The following SLC9A9 variants were observed in gnomAD, a reference collection of about 807,000 sequenced individuals.
The protein encoded by SLC9A9 is sodium/hydrogen exchanger 9.
SLC9A9 carries 62 observed loss-of-function variants against 77.8 expected under a neutral mutation model. The observed-to-expected ratio is 0.80, with a 90% CI of 0.65 to 0.98. The LOEUF is 0.98. SLC9A9 is among the 50% of genes least tolerant of loss of function. SLC9A9 has a pLI of 0.00. For synonymous variants in SLC9A9, 320 were observed against 283.5 expected (o/e 1.13, Z -1.29); for missense variants, 775 against 774.9 (o/e 1.00, Z 0.00).
intron 14 of SLC9A9, among the ~76,000 whole-genome samples, chr3:143,348,679 G>A (rs1233056406): frequency 1.3e-5 from 2 of 152,096 alleles, no homozygotes; most frequent in African/African-American, 4.8e-5. Context: ...CTTCCATTGT[G>A]CAATATAGTT....
intron 9 of SLC9A9, chr3:143,504,105 G>A: frequency 2.0e-6 from 1 of 492,954 alleles, no homozygotes; most frequent in Non-Finnish European, 4.0e-6. Context: ...TGGTACTGTG[G>A]AACTTGCCAT....
chr3:143,581,426 GA>G (rs2037450303), intron 6 of SLC9A9, among the ~76,000 whole-genome samples: 1 of 152,206 alleles, frequency 6.6e-6, no homozygotes, highest in Admixed American at 6.5e-5. Context: ...ATAGCTCTGT[GA>G]AGTAAGCAAG....
At chr3:143,501,078 A>G (rs1360939661) in intron 9 of SLC9A9, among the ~76,000 whole-genome samples, 1 of 150,718 alleles carries the variant, frequency 6.6e-6, no homozygotes, top group Non-Finnish European at 1.5e-5. Context: ...GAATTATTCA[A>G]TAAGTCATCA....
At chr3:143,394,795 C>T (rs2033684790) in intron 12 of SLC9A9, among the ~76,000 whole-genome samples, 1 of 152,086 alleles carries the variant, frequency 6.6e-6, no homozygotes, top group African/African-American at 2.4e-5. Flanking sequence ...ATAAGCATTC[C>T]TATACACCAA....
intron 11 of SLC9A9, among the ~76,000 whole-genome samples, chr3:143,474,416 TAGG>T (rs1330384440): frequency 6.6e-6 from 1 of 152,116 alleles, no homozygotes; most frequent in Non-Finnish European, 1.5e-5. Context: ...AGGTTGCTGA[TAGG>T]AGGCCAGTGA....
intron 8 of SLC9A9, among the ~76,000 whole-genome samples, chr3:143,572,615 C>A (rs1188292107): frequency 6.6e-6 from 1 of 152,128 alleles, no homozygotes; most frequent in Non-Finnish European, 1.5e-5. Flanking sequence ...AGTGGCAATG[C>A]ACTAAAATAA....
chr3:143,361,081 T>C (rs565215054), intron 14 of SLC9A9, among the ~76,000 whole-genome samples: 1 of 152,358 alleles, frequency 6.6e-6, no homozygotes, highest in Admixed American at 6.5e-5. Context: ...TCTGCAAATT[T>C]TGGACTTGCC....
At chr3:143,693,959 G>A (rs1933555446) in intron 4 of SLC9A9, among the ~76,000 whole-genome samples, 1 of 152,138 alleles carries the variant, frequency 6.6e-6, no homozygotes, top group Non-Finnish European at 1.5e-5. Flanking sequence ...ACCATGGCAT[G>A]CAAATTGTCT....
intron 5 of SLC9A9, among the ~76,000 whole-genome samples, chr3:143,675,766 G>A (rs2039225321): frequency 6.6e-6 from 1 of 152,168 alleles, no homozygotes; most frequent in African/African-American, 2.4e-5. Context: ...GTTTTCAAGT[G>A]TACAGATGTG....
At chr3:143,529,191 C>T (rs186794345) in intron 9 of SLC9A9, among the ~76,000 whole-genome samples, 24 of 152,252 alleles carry the variant, frequency 1.6e-4, no homozygotes, top group African/African-American at 5.1e-4. Flanking sequence ...GTGGGAAATG[C>T]CCCTCTGGGA....
At chr3:143,762,925 C>T (rs192493266) in intron 4 of SLC9A9, among the ~76,000 whole-genome samples, 1 of 152,260 alleles carries the variant, frequency 6.6e-6, no homozygotes, top group East Asian at 1.9e-4. Flanking sequence ...CTCAGACAAA[C>T]AGTGGGAAGC....
At chr3:143,764,859 G>A (rs1220494450) in intron 4 of SLC9A9, among the ~76,000 whole-genome samples, 2 of 152,050 alleles carry the variant, frequency 1.3e-5, no homozygotes, top group African/African-American at 2.4e-5. Flanking sequence ...TTATAGGTGC[G>A]AGCCACCAGG....
chr3:143,390,379 A>G (rs565983678), intron 12 of SLC9A9, among the ~76,000 whole-genome samples: 2 of 152,210 alleles, frequency 1.3e-5, no homozygotes, highest in South Asian at 4.1e-4. Context: ...ATGGGCAGGA[A>G]ACTGTACCTC....
intron 6 of SLC9A9, among the ~76,000 whole-genome samples, chr3:143,617,727 T>A (rs2038130544): frequency 6.6e-6 from 1 of 152,128 alleles, no homozygotes; most frequent in Non-Finnish European, 1.5e-5. Flanking sequence ...CTTCCCACTC[T>A]CTCCCAGCCT....
At chr3:143,522,705 T>C (rs559999730) in intron 9 of SLC9A9, among the ~76,000 whole-genome samples, 2 of 152,296 alleles carry the variant, frequency 1.3e-5, no homozygotes, top group East Asian at 3.9e-4. Flanking sequence ...CAGCCAGACC[T>C]ACTAAAGGCT....
chr3:143,676,145 G>A (rs1422336950), intron 5 of SLC9A9, among the ~76,000 whole-genome samples: 1 of 152,112 alleles, frequency 6.6e-6, no homozygotes, highest in Non-Finnish European at 1.5e-5. Flanking sequence ...ATCTAATGCT[G>A]CCGCTGATCT....
intron 14 of SLC9A9, among the ~76,000 whole-genome samples, chr3:143,281,512 C>T (rs371289371): frequency 7.2e-5 from 11 of 152,310 alleles, no homozygotes; most frequent in South Asian, 2.1e-4. Context: ...CCACAGAAGA[C>T]GGAGAGCACA....
intron 1 of SLC9A9, among the ~76,000 whole-genome samples, chr3:143,846,634 T>C (rs1292629256): frequency 6.6e-6 from 1 of 152,154 alleles, no homozygotes; most frequent in African/African-American, 2.4e-5. Context: ...TCAGTGGATC[T>C]CTTTAGGCCA....
chr3:143,707,613 G>A (rs1046527547), intron 4 of SLC9A9, among the ~76,000 whole-genome samples: 4 of 152,134 alleles, frequency 2.6e-5, no homozygotes, highest in African/African-American at 9.7e-5. Flanking sequence ...ATATCATAAT[G>A]AGATGAGCTC....
Sources: allele counts gnomAD v4.1 joint callset (sites outside exome capture counted in the v4.1 genomes callset), GRCh38; gene constraint gnomAD v4.1.1; transcripts MANE v1.5; gene names NCBI Gene and HGNC (gene_info 2026-07-23, HGNC 2026-07-21).